The following GRM5 variants were observed in gnomAD, a reference collection of about 807,000 sequenced individuals.
The protein encoded by GRM5 is glutamate metabotropic receptor 5.
GRM5 carries 19 observed loss-of-function variants against 83.1 expected under a neutral mutation model. The ratio of observed to expected loss-of-function variants is 0.23; its 90% confidence interval spans 0.16 to 0.34. The LOEUF is 0.34. Among genes scored for constraint, GRM5 ranks in the 10% least tolerant of loss-of-function variants. The pLI is 1.00. For synonymous variants in GRM5, 675 were observed against 633.6 expected (o/e 1.07, Z -0.98); for missense variants, 1,160 against 1,588.3 (o/e 0.73, Z 4.58).
At chr11:88,539,555 G>A (rs1449356185) in intron 8 of GRM5, among the ~76,000 whole-genome samples, 1 of 152,038 alleles carries the variant, frequency 6.6e-6, no homozygotes, top group African/African-American at 2.4e-5. Flanking sequence ...AACCAGGCAG[G>A]CTTCTCCCAG....
intron 6 of GRM5, among the ~76,000 whole-genome samples, chr11:88,592,873 G>A (rs567791861): frequency 1.3e-5 from 2 of 152,224 alleles, no homozygotes; most frequent in South Asian, 2.1e-4. Context: ...GAGTGCAGTG[G>A]CGCCATCTTG....
At chr11:89,057,311 AC>A (rs796327980) in intron 1 of GRM5, among the ~76,000 whole-genome samples, 25 of 152,244 alleles carry the variant, frequency 1.6e-4, no homozygotes, top group African/African-American at 5.5e-4. Context: ...GATACAGAGA[AC>A]CCTGTAGTCT....
chr11:88,938,194 T>G (rs1260470476), intron 2 of GRM5, among the ~76,000 whole-genome samples: 2 of 151,740 alleles, frequency 1.3e-5, no homozygotes. Flanking sequence ...TTGTCAGTTG[T>G]ATGTCAAGAA....
At chr11:89,065,286 TCA>T (rs71046278) in intron 1 of GRM5, among the ~76,000 whole-genome samples, 39,473 of 147,216 alleles carry the variant, frequency 0.27, 5,420 homozygotes, top group Non-Finnish European at 0.32. Context: ...TGTATTGGCA[TCA>T]CACACACACA....
chr11:88,829,597 T>C (rs1943951194), intron 3 of GRM5, among the ~76,000 whole-genome samples: 1 of 152,174 alleles, frequency 6.6e-6, no homozygotes, highest in South Asian at 2.1e-4. Context: ...ATAATTCTAA[T>C]GAAATATGAA....
intron 9 of GRM5, chr11:88,512,189 C>A (rs1217921366): frequency 1.3e-5 from 2 of 154,344 alleles, no homozygotes; most frequent in East Asian, 1.9e-4. Flanking sequence ...AGGAAACCAT[C>A]CTAATCAACC....
intron 8 of GRM5, among the ~76,000 whole-genome samples, chr11:88,526,003 A>T (rs901049476): frequency 1.3e-5 from 2 of 152,222 alleles, no homozygotes; most frequent in African/African-American, 2.4e-5. Flanking sequence ...CAAGTTTTTA[A>T]GCTAATTATT....
At chr11:88,655,218 T>C (rs925145825) in intron 3 of GRM5, among the ~76,000 whole-genome samples, 1 of 152,132 alleles carries the variant, frequency 6.6e-6, no homozygotes, top group Non-Finnish European at 1.5e-5. Context: ...AAGTTTCCCA[T>C]TTTCAGCTCC....
intron 2 of GRM5, among the ~76,000 whole-genome samples, chr11:88,906,370 A>G (rs1299833342): frequency 6.6e-6 from 1 of 152,164 alleles, no homozygotes; most frequent in Non-Finnish European, 1.5e-5. Context: ...TTTTGAGGAC[A>G]TTCGTACATA....
chr11:88,945,787 A>C (rs1452587450), intron 2 of GRM5, among the ~76,000 whole-genome samples: 1 of 152,018 alleles, frequency 6.6e-6, no homozygotes, highest in East Asian at 1.9e-4. Context: ...AGGATCCTAG[A>C]AAAAAGCCTA....
intron 2 of GRM5, among the ~76,000 whole-genome samples, chr11:89,039,706 C>T (rs1269735114): frequency 6.6e-6 from 1 of 152,136 alleles, no homozygotes; most frequent in Non-Finnish European, 1.5e-5. Flanking sequence ...AGGTAGCAGT[C>T]AGGGCCCTGC....
intron 1 of GRM5, among the ~76,000 whole-genome samples, chr11:89,050,540 G>A (rs1040345742): frequency 3.3e-5 from 5 of 152,036 alleles, no homozygotes; most frequent in African/African-American, 4.8e-5. Context: ...GAATCACCAC[G>A]CTGACTTCCA....
chr11:89,001,159 A>G (rs1445943032), intron 2 of GRM5, among the ~76,000 whole-genome samples: 1 of 151,996 alleles, frequency 6.6e-6, no homozygotes, highest in African/African-American at 2.4e-5. Context: ...TCTTGGTGGA[A>G]AAAAAAATTG....
At chr11:89,064,888 C>CTCTCTCTCTCTCTCTGTG (rs1218318990) in intron 1 of GRM5, among the ~76,000 whole-genome samples, 2 of 62,264 alleles carry the variant, frequency 3.2e-5, no homozygotes, top group African/African-American at 1.4e-4. Context: ...CTCTCTCTCT[C>CTCTCTCTCTCTCTCTGTG]TGTGTGTGTG....
intron 2 of GRM5, among the ~76,000 whole-genome samples, chr11:89,020,143 A>G (rs1940947677): frequency 6.6e-6 from 1 of 152,208 alleles, no homozygotes; most frequent in African/African-American, 2.4e-5. Flanking sequence ...TTTAACCCAC[A>G]TAATTACCAT....
At chr11:88,964,262 G>A (rs185213221) in intron 2 of GRM5, among the ~76,000 whole-genome samples, 62 of 152,104 alleles carry the variant, frequency 4.1e-4, no homozygotes, top group African/African-American at 1.4e-3. Context: ...AGCAAAAATC[G>A]AATTAAGGAT....
chr11:88,761,573 T>A (rs765467848), intron 3 of GRM5, among the ~76,000 whole-genome samples: 3 of 151,768 alleles, frequency 2.0e-5, no homozygotes, highest in South Asian at 4.1e-4. Flanking sequence ...AAATGAAAAA[T>A]CATTCCATGT....
At chr11:89,062,841 T>C (rs1157847627) in intron 1 of GRM5, among the ~76,000 whole-genome samples, 1 of 152,250 alleles carries the variant, frequency 6.6e-6, no homozygotes, top group African/African-American at 2.4e-5. Context: ...CTGGGTTTTC[T>C]TCCCTAAGTC....
At chr11:88,515,078 C>T (rs538210131) in intron 9 of GRM5, among the ~76,000 whole-genome samples, 1 of 152,028 alleles carries the variant, frequency 6.6e-6, no homozygotes, top group East Asian at 1.9e-4. Context: ...CAACAGGAAG[C>T]CTTTTCAGAA....
Sources: gnomAD v4.1 joint callset for allele counts (sites outside exome capture counted in the v4.1 genomes callset) on GRCh38, gnomAD v4.1.1 for gene constraint, MANE v1.5 for transcripts, NCBI Gene and HGNC (gene_info 2026-07-23, HGNC 2026-07-21) for gene names.